The following IFT74 variants were observed in gnomAD, a reference collection of about 807,000 sequenced individuals.
The protein encoded by IFT74 is intraflagellar transport protein 74 homolog.
In IFT74, 92 loss-of-function variants were observed where a neutral mutation model predicts 96.7. The observed-to-expected ratio is 0.95, with a 90% CI of 0.80 to 1.13. The LOEUF is 1.13. Among genes scored for constraint, IFT74 ranks in the 50% most tolerant of loss-of-function variants. The pLI, the probability that IFT74 is intolerant of heterozygous loss-of-function variation, is 0.00. For synonymous variants in IFT74, 223 were observed against 213.2 expected, an observed-to-expected ratio of 1.05 and a Z score of -0.40; for missense variants, 811 against 698.2, an observed-to-expected ratio of 1.16 and a Z score of -1.82.
chr9:27,060,767 G>A (rs1195760159), intron 19 of IFT74, 116 bp downstream of exon 19: 1 of 581,786 alleles, frequency 1.7e-6, no homozygotes, highest in African/African-American at 1.9e-5. Context: ...GACCACCCTG[G>A]CTAACACGGT....
intron 16 of IFT74, among the ~76,000 whole-genome samples, chr9:27,050,112 C>T (rs2131690822): frequency 6.6e-6 from 1 of 152,190 alleles, no homozygotes; most frequent in Non-Finnish European, 1.5e-5. Context: ...GGCTGGAGTG[C>T]AGTGGCGTGA....
chr9:27,056,846 CT>C (rs1196693043), intron 18 of IFT74, among the ~76,000 whole-genome samples: 4 of 147,292 alleles, frequency 2.7e-5, no homozygotes, highest in Non-Finnish European at 6.0e-5. Flanking sequence ...AGTGTGGGTT[CT>C]TTTAGTCAAT....
rs147063592 is a variant in IFT74, at chr9:26,984,024, T to G, written c.306-233T>G. 9.7e-3 allele frequency: 2,835 copies of G among 291,124 alleles called. 19 individuals are homozygous for G. The highest frequency in any genetic ancestry group is 0.021 in the Middle Eastern group (19 of 884). 18.0% of individuals were successfully genotyped at this position (291,124 alleles called of 1,614,324 possible). ...GTCTTGAGCTCCTGACCTCACGTGA[T>G]GCGCCTGCCTCGGCCTCCCAAAGTG... On this transcript the variant is annotated intron_variant, in intron 4 of 19. Coordinates refer to ENST00000380062, the MANE Select transcript of IFT74 (RefSeq NM_025103.4).
intron 8 of IFT74, chr9:26,993,589 T>G (rs1178443332): frequency 6.6e-6 from 1 of 152,546 alleles, no homozygotes; most frequent in Admixed American, 6.5e-5. Flanking sequence ...TTCTATAGAT[T>G]ATGACATAGA....
At chr9:27,038,266 GTTTTTGTTTTTT>G (rs1328301535) in intron 13 of IFT74, among the ~76,000 whole-genome samples, 1 of 151,854 alleles carries the variant, frequency 6.6e-6, no homozygotes, top group African/African-American at 2.4e-5. Context: ...TTTTGTTTTT[GTTTTTGTTTTTT>G]TTGAGTTAGA....
upstream of IFT74, among the ~76,000 whole-genome samples, chr9:26,953,639 C>T (rs1288602361): frequency 6.6e-6 from 1 of 151,976 alleles, no homozygotes; most frequent in Non-Finnish European, 1.5e-5. Context: ...TTAATGATGT[C>T]ACTCCTCAAA....
intron 13 of IFT74, among the ~76,000 whole-genome samples, chr9:27,029,353 A>G (rs1159232769): frequency 1.3e-5 from 2 of 151,006 alleles, no homozygotes; most frequent in Admixed American, 6.6e-5. Context: ...TTTTTTTTTT[A>G]CAAAAACAGA....
chr9:27,015,713 A>G (rs1309370235), intron 10 of IFT74, among the ~76,000 whole-genome samples: 1 of 152,198 alleles, frequency 6.6e-6, no homozygotes, highest in African/African-American at 2.4e-5. Flanking sequence ...TTCAAATGTC[A>G]CTGTTAACTC....
chr9:26,978,283 T>A lies in IFT74; in HGVS notation c.256+20T>A, dbSNP rs763531575. The A allele has an allele frequency of 5.6e-6, 9 of 1,610,510 alleles. No homozygotes were observed. The South Asian group carries it at 8.9e-5, about 16-fold the overall frequency. On this transcript the variant is annotated intron_variant, in intron 3 of 19. Transcript: ENST00000380062. ...CGAAAGGTACCTATTTTAAGATAAG[T>A]ATGACACTTGGGCCTGTGTTTTGTA...
intron 14 of IFT74, among the ~76,000 whole-genome samples, chr9:27,045,557 T>A (rs1819662920): frequency 6.6e-6 from 1 of 152,208 alleles, no homozygotes; most frequent in Non-Finnish European, 1.5e-5. Flanking sequence ...TTGCCTTTTG[T>A]TAGTTTTGAT....
At chr9:27,010,727 C>A (rs1373802299) in intron 9 of IFT74, among the ~76,000 whole-genome samples, 2 of 150,850 alleles carry the variant, frequency 1.3e-5, no homozygotes, top group African/African-American at 2.4e-5. Flanking sequence ...CTCGGCTTCC[C>A]AAAGTGCTGG....
chr9:26,974,756 T>A (rs1419628109), intron 2 of IFT74, among the ~76,000 whole-genome samples: 1 of 152,150 alleles, frequency 6.6e-6, no homozygotes, highest in Non-Finnish European at 1.5e-5. Flanking sequence ...TCGACCCAGG[T>A]ATATAATTGA....
intron 16 of IFT74, among the ~76,000 whole-genome samples, chr9:27,052,872 TG>T (rs1388205109): frequency 6.6e-6 from 1 of 152,116 alleles, no homozygotes; most frequent in African/African-American, 2.4e-5. Flanking sequence ...TTGTTGTTGT[TG>T]TTGTTGTTTG....
chr9:26,984,125 T>C, intron 4 of IFT74, 132 bp from the exon 5 acceptor site: 2 of 710,888 alleles, frequency 2.8e-6, no homozygotes, highest in South Asian at 2.1e-5. Context: ...ACCTAAACTT[T>C]CTGCATTCTT....
chr9:26,963,364 G>C (rs1161731738), intron 2 of IFT74, among the ~76,000 whole-genome samples: 1 of 151,508 alleles, frequency 6.6e-6, no homozygotes, highest in Non-Finnish European at 1.5e-5. Flanking sequence ...ATCATTGTTG[G>C]ACATTTGGGT....
chr9:27,004,396 T>C (rs1828667935), intron 8 of IFT74, among the ~76,000 whole-genome samples: 1 of 152,234 alleles, frequency 6.6e-6, no homozygotes, highest in African/African-American at 2.4e-5. Context: ...GGTCTGAAGC[T>C]GTGAAATACA....
chr9:26,980,538 C>G, intron 3 of IFT74, 33 bp from the exon 4 acceptor site: 1 of 1,452,190 alleles, frequency 6.9e-7, no homozygotes, highest in Admixed American at 1.7e-5. Context: ...GCATTTCGAA[C>G]TGAACACTAA....
intron 12 of IFT74, among the ~76,000 whole-genome samples, chr9:27,020,593 G>C (rs1240121736): frequency 6.6e-6 from 1 of 150,858 alleles, no homozygotes; most frequent in Non-Finnish European, 1.5e-5. Context: ...TCCTGCCTCA[G>C]CCTCCCCAGT....
chr9:27,049,178 G>A (rs975271417), intron 16 of IFT74, among the ~76,000 whole-genome samples: 2 of 152,234 alleles, frequency 1.3e-5, no homozygotes, highest in Non-Finnish European at 2.9e-5. Flanking sequence ...CATGTTTCAT[G>A]TACAGCCTGT....
Sources: gnomAD v4.1 joint callset for allele counts (sites outside exome capture counted in the v4.1 genomes callset) on GRCh38, gnomAD v4.1.1 for gene constraint, MANE v1.5 for transcripts, NCBI Gene and HGNC (gene_info 2026-07-23, HGNC 2026-07-21) for gene names.